The following SLC24A1 variants were observed in gnomAD, a reference collection of about 807,000 sequenced individuals.
SLC24A1 encodes the protein sodium/potassium/calcium exchanger 1.
A neutral mutation model predicts 88.1 loss-of-function variants in SLC24A1; 52 were observed. The observed-to-expected ratio is 0.59, with a 90% CI of 0.47 to 0.74. SLC24A1 has a LOEUF of 0.74. Among genes scored for constraint, SLC24A1 ranks in the 30% least tolerant of loss-of-function variants. The pLI, the probability that SLC24A1 is intolerant of heterozygous loss-of-function variation, is 0.00. For missense variants in SLC24A1, 1,173 were observed against 1,363.3 expected, an observed-to-expected ratio of 0.86 and a Z score of 2.20; for synonymous variants, 455 against 498.0, an observed-to-expected ratio of 0.91 and a Z score of 1.15.
intron 2 of SLC24A1, among the ~76,000 whole-genome samples, chr15:65,629,134 C>T (rs1355984231): frequency 6.6e-6 from 1 of 152,178 alleles, no homozygotes; most frequent in Non-Finnish European, 1.5e-5. Context: ...ATTCTTCTTC[C>T]TGAGCAACTT....
At position 65,628,536 on chromosome 15, in the gene SLC24A1, A is replaced by G. The variant is rs568664884; in HGVS notation, c.1890+2566A>G. Among the ~76,000 whole-genome samples, 14 of 152,332 alleles carry G rather than the reference A, an allele frequency of 9.2e-5. No homozygotes were observed. The South Asian group carries it at 2.7e-3, about 29-fold the overall frequency. On this transcript the variant is annotated intron_variant, in intron 2 of 9. Coordinates refer to ENST00000261892, the MANE Select transcript of SLC24A1 (RefSeq NM_004727.3). ...CATGCTTACGGAGAGCCTATTCCAT[A>G]CATACATTGTCTTAACATTTCTCAT... is the stretch of plus-strand genomic sequence containing the variant.
chr15:65,639,470 T>G, intron 3 of SLC24A1, 125 bp from the exon 4 acceptor site: 1 of 624,012 alleles, frequency 1.6e-6, no homozygotes, highest in Admixed American at 2.3e-5. Flanking sequence ...AGAGGGGAGG[T>G]CAGGATAAGG....
chr15:65,647,711 T>C (rs1358314312), intron 6 of SLC24A1, among the ~76,000 whole-genome samples: 1 of 152,026 alleles, frequency 6.6e-6, no homozygotes, highest in Non-Finnish European at 1.5e-5. Flanking sequence ...TGACTTGTCA[T>C]CTCCTCTGGG....
chr15:65,621,591 G>A (rs1201724644), upstream of SLC24A1, among the ~76,000 whole-genome samples: 1 of 152,112 alleles, frequency 6.6e-6, no homozygotes, highest in African/African-American at 2.4e-5. Context: ...GTAGCAAGTC[G>A]AGCCTAATGC....
chr15:65,656,239 A>G lies in SLC24A1; in HGVS notation c.*2160A>G. 1 of 985,156 alleles carries G rather than the reference A, an allele frequency of 1.0e-6. No homozygotes were observed. Among genetic ancestry groups the G allele is most frequent in the Middle Eastern group, 5.2e-4 (1 of 1,914 alleles). The allele number at this position is 985,156 out of a possible 1,614,324, so 61.0% of individuals were successfully genotyped here. ...AGGCTGAAATATCCACTGAATGATT[A>G]AAACCAACTCTAATAATCTGACATC... On this transcript the variant is annotated 3_prime_UTR_variant, in exon 10 of 10. Coordinates refer to ENST00000261892, the MANE Select transcript of SLC24A1 (RefSeq NM_004727.3).
chr15:65,652,593 G>T, intron 8 of SLC24A1, 49 bp from the exon 9 acceptor site: 2 of 1,571,928 alleles, frequency 1.3e-6, no homozygotes, highest in Non-Finnish European at 1.7e-6. Flanking sequence ...GATAGTGCTT[G>T]GATGTGCCTC....
chr15:65,659,553 G>A (rs2141780339), downstream of SLC24A1: 1 of 151,982 alleles, frequency 6.6e-6, no homozygotes, highest in African/African-American at 2.4e-5. Context: ...GCTCAGGCTG[G>A]TTTTGAACTC....
At chr15:65,626,373 C>A (rs78203615) in intron 2 of SLC24A1, among the ~76,000 whole-genome samples, 23 of 152,218 alleles carry the variant, frequency 1.5e-4, no homozygotes, top group African/African-American at 5.5e-4. Flanking sequence ...AGATGCCAGG[C>A]GAGGAAAAAT....
intron 2 of SLC24A1, among the ~76,000 whole-genome samples, chr15:65,627,761 A>G (rs1326577186): frequency 6.6e-6 from 1 of 152,202 alleles, no homozygotes; most frequent in Admixed American, 6.5e-5. Context: ...AGTCCCTCAT[A>G]GTAATTCTGC....
chr15:65,624,464 T>A lies in SLC24A1; in HGVS notation c.384T>A (p.Asn128Lys). The A allele has an allele frequency of 6.2e-7, 1 of 1,610,278 alleles. No homozygotes were observed. The highest frequency in any genetic ancestry group is 8.5e-7 in the Non-Finnish European group (1 of 1,178,198). ...TAKMIPTTTK[N>K]NYSPTAAGTE... is the part of the protein sequence containing the mutation. ...AGATGATCCCAACAACAACCAAGAA[T>A]AATTACAGCCCAACAGCAGCAGGTA... The change falls in exon 2 of 10, where the codon AAT becomes AAA. Residue 128 changes from asparagine (N) to lysine (K), a missense_variant. Asn to Lys is a moderately conservative substitution (Grantham distance 94). Coordinates refer to ENST00000261892, the MANE Select transcript of SLC24A1 (RefSeq NM_004727.3).
chr15:65,624,775 T>C lies in SLC24A1; in HGVS notation c.695T>C (p.Leu232Pro), dbSNP rs2141462433. 1 of 1,613,852 alleles carries C rather than the reference T, an allele frequency of 6.2e-7. No individual in the cohort carries two copies. The highest frequency in any genetic ancestry group is 1.7e-5 in the Admixed American group (1 of 60,002). ...DSDITATYKI[L>P]ETNSLKRIME... Reference sequence around the variant, plus strand: ...GACATTACAGCAACCTATAAAATACTCGAAACCAACTCTCTTAAGAGAATA... The same window carrying C: ...GACATTACAGCAACCTATAAAATACCCGAAACCAACTCTCTTAAGAGAATA... The change falls in exon 2 of 10, where the codon CTC (leucine) becomes CCC (proline). Residue 232 changes from leucine (L) to proline (P), a missense_variant. Coordinates refer to ENST00000261892, the MANE Select transcript of SLC24A1 (RefSeq NM_004727.3).
chr15:65,634,740 C>CAAAAAAAAAAAAAAA (rs5813364), intron 2 of SLC24A1, among the ~76,000 whole-genome samples: 21 of 90,430 alleles, frequency 2.3e-4, no homozygotes, highest in Non-Finnish European at 4.3e-4. Context: ...TCAAAAGCAC[C>CAAAAAAAAAAAAAAA]AAAAAAAAAA....
intron 7 of SLC24A1, among the ~76,000 whole-genome samples, chr15:65,651,353 G>A (rs1354067777): frequency 2.0e-5 from 3 of 152,134 alleles, no homozygotes; most frequent in Non-Finnish European, 4.4e-5. Flanking sequence ...AGAAAGGAAT[G>A]GTACAAGGAG....
At chr15:65,619,764 GC>G (rs374042148), upstream of SLC24A1, among the ~76,000 whole-genome samples, 206 of 152,244 alleles carry the variant, frequency 1.4e-3, 1 homozygote, top group African/African-American at 4.6e-3. Context: ...AGGCCTCCTT[GC>G]CGTCCTGCCA....
intron 2 of SLC24A1, among the ~76,000 whole-genome samples, chr15:65,631,880 G>A (rs113295029): frequency 0.2 from 30,329 of 152,114 alleles, 3,312 homozygotes; most frequent in African/African-American, 0.28. Flanking sequence ...TTGCTAGGCT[G>A]GAGTGCAGTG....
chr15:65,630,229 A>G (rs924275600), intron 2 of SLC24A1, among the ~76,000 whole-genome samples: 1 of 152,174 alleles, frequency 6.6e-6, no homozygotes, highest in African/African-American at 2.4e-5. Flanking sequence ...GCTTCAAGCA[A>G]TCCTCTCACC....
intron 8 of SLC24A1, 175 bp from the exon 9 acceptor site, chr15:65,652,467 T>C (rs2075539494): frequency 1.8e-6 from 1 of 562,246 alleles, no homozygotes; most frequent in South Asian, 2.5e-5. Context: ...TCTTGCTTGC[T>C]CTTCCTCTCT....
chr15:65,625,080 G>T lies in SLC24A1; in HGVS notation c.1000G>T (p.Ala334Ser). ...TISTMTGSSPAETKAFTAAWS... is the reference protein window; with the variant it reads ...TISTMTGSSPSETKAFTAAWS... ...AAGCACCATGACAGGCAGCAGCCCA[G>T]CAGAAACCAAAGCCTTCACTGCTGC... is the stretch of plus-strand genomic sequence containing the variant. Residue 334 changes from alanine to serine, a missense_variant, in exon 2 of 10, where the codon GCA (alanine) becomes TCA (serine). Transcript: ENST00000261892. The T allele has an allele frequency of 6.2e-7, 1 of 1,613,656 alleles. No individual in the cohort carries two copies. The highest frequency in any genetic ancestry group is 8.5e-7 in the Non-Finnish European group (1 of 1,179,880).
intron 6 of SLC24A1, among the ~76,000 whole-genome samples, chr15:65,649,349 C>T (rs550220956): frequency 7.2e-5 from 11 of 152,184 alleles, no homozygotes; most frequent in Non-Finnish European, 1.5e-4. Flanking sequence ...CCGCCCACCT[C>T]AGCCTCCCAA....
Sources: allele counts gnomAD v4.1 joint callset (sites outside exome capture counted in the v4.1 genomes callset), GRCh38; gene constraint gnomAD v4.1.1; transcripts MANE v1.5; gene names NCBI Gene and HGNC (gene_info 2026-07-23, HGNC 2026-07-21).